The following NTN1 variants were observed in gnomAD, a reference collection of about 807,000 sequenced individuals.
NTN1 encodes netrin 1.
NTN1 carries 11 observed loss-of-function variants against 54.2 expected under a neutral mutation model. That is an observed-to-expected ratio of 0.20 (90% CI 0.13 to 0.34). The LOEUF (loss-of-function observed/expected upper bound fraction) is 0.34, where lower values mean the gene tolerates loss of function less well. Among genes scored for constraint, NTN1 ranks in the 10% least tolerant of loss-of-function variants. The pLI, the probability that NTN1 is intolerant of heterozygous loss-of-function variation, is 1.00. For missense variants in NTN1, 740 were observed against 893.1 expected, an observed-to-expected ratio of 0.83 and a Z score of 2.18; for synonymous variants, 371 against 382.0, an observed-to-expected ratio of 0.97 and a Z score of 0.33.
At chr17:9,077,224 G>C (rs1026506319) in intron 2 of NTN1, among the ~76,000 whole-genome samples, 3 of 152,102 alleles carry the variant, frequency 2.0e-5, no homozygotes, top group African/African-American at 7.2e-5. Context: ...GAAAAAAAAA[G>C]GAAGAAAGGA....
intron 2 of NTN1, among the ~76,000 whole-genome samples, chr17:9,152,959 G>A (rs2092331766): frequency 6.6e-6 from 1 of 152,058 alleles, no homozygotes; most frequent in Non-Finnish European, 1.5e-5. Context: ...GTTTGATCTT[G>A]GTTAGTAATA....
At chr17:9,072,495 C>T (rs945698650) in intron 2 of NTN1, among the ~76,000 whole-genome samples, 3 of 152,000 alleles carry the variant, frequency 2.0e-5, no homozygotes, top group South Asian at 2.1e-4. Context: ...GAGAGGTGGG[C>T]GGGGATGTGG....
At chr17:9,214,242 G>A (rs991401922) in intron 5 of NTN1, among the ~76,000 whole-genome samples, 5 of 152,034 alleles carry the variant, frequency 3.3e-5, no homozygotes, top group Non-Finnish European at 2.9e-5. Context: ...CAGGAAATGT[G>A]GCTTGTATAG....
the NTN1 span, among the ~76,000 whole-genome samples, chr17:9,010,085 A>G: frequency 4.6e-5 from 7 of 152,216 alleles, no homozygotes; most frequent in Admixed American, 6.5e-5. Flanking sequence ...TGGCTGGGAT[A>G]GGATTCTACT....
intron 5 of NTN1, among the ~76,000 whole-genome samples, chr17:9,204,626 T>C (rs2142340738): frequency 1.3e-5 from 2 of 152,262 alleles, no homozygotes; most frequent in South Asian, 4.2e-4. Flanking sequence ...GTGGCCTGCG[T>C]CCAGTCTATC....
chr17:9,204,492 G>A (rs576390540), intron 5 of NTN1, among the ~76,000 whole-genome samples: 4 of 152,132 alleles, frequency 2.6e-5, no homozygotes, highest in Non-Finnish European at 4.4e-5. Flanking sequence ...ACAGGGTTTC[G>A]CCACACTGGC....
intron 2 of NTN1, among the ~76,000 whole-genome samples, chr17:9,129,605 A>G (rs2092257893): frequency 1.3e-5 from 2 of 152,190 alleles, no homozygotes; most frequent in Non-Finnish European, 2.9e-5. Context: ...CCCCAAAAGC[A>G]TGTCACCCTC....
At chr17:9,140,631 C>A (rs2092295094) in intron 2 of NTN1, among the ~76,000 whole-genome samples, 1 of 152,156 alleles carries the variant, frequency 6.6e-6, no homozygotes, top group Non-Finnish European at 1.5e-5. Flanking sequence ...AAAAGTCCAA[C>A]AGGAGTTGGC....
At chr17:9,066,465 A>G (rs1158863404) in intron 2 of NTN1, among the ~76,000 whole-genome samples, 1 of 151,650 alleles carries the variant, frequency 6.6e-6, no homozygotes, top group African/African-American at 2.4e-5. Context: ...TGTCTCTACT[A>G]AAAATACAAA....
intron 2 of NTN1, among the ~76,000 whole-genome samples, chr17:9,097,878 A>G (rs1448516906): frequency 6.6e-6 from 1 of 152,138 alleles, no homozygotes; most frequent in African/African-American, 2.4e-5. Context: ...CAGATGTTCC[A>G]GCTGCAGTGA....
At chr17:9,187,153 T>C (rs926541994) in intron 5 of NTN1, among the ~76,000 whole-genome samples, 7 of 151,972 alleles carry the variant, frequency 4.6e-5, no homozygotes, top group African/African-American at 1.7e-4. Flanking sequence ...ACAAATGCCA[T>C]GGTATAATGA....
At chr17:9,220,009 C>G (rs1302666686) in intron 5 of NTN1, among the ~76,000 whole-genome samples, 1 of 152,266 alleles carries the variant, frequency 6.6e-6, no homozygotes, top group East Asian at 1.9e-4. Flanking sequence ...GCTGGCCAGC[C>G]TGGCTGGTCT....
chr17:9,182,006 C>G (rs913391097), intron 4 of NTN1, among the ~76,000 whole-genome samples: 1 of 152,238 alleles, frequency 6.6e-6, no homozygotes, highest in Non-Finnish European at 1.5e-5. Flanking sequence ...GAGACAGGAT[C>G]TTGCTCTGTT....
chr17:9,216,626 C>G (rs1371962323), intron 5 of NTN1, among the ~76,000 whole-genome samples: 1 of 152,272 alleles, frequency 6.6e-6, no homozygotes, highest in Non-Finnish European at 1.5e-5. Flanking sequence ...AGGCGCACAG[C>G]TCTGTCTTCA....
chr17:9,215,013 A>C (rs1905185002), intron 5 of NTN1, among the ~76,000 whole-genome samples: 1 of 152,010 alleles, frequency 6.6e-6, no homozygotes, highest in African/African-American at 2.4e-5. Context: ...TTGGCATATT[A>C]CCTATAATTT....
At chr17:9,052,171 A>T (rs998100783) in intron 2 of NTN1, among the ~76,000 whole-genome samples, 1 of 151,936 alleles carries the variant, frequency 6.6e-6, no homozygotes. Context: ...GGGGTTCTCC[A>T]TGTTGGTCAG....
At chr17:9,169,419 G>A (rs997919871) in intron 3 of NTN1, among the ~76,000 whole-genome samples, 1 of 152,202 alleles carries the variant, frequency 6.6e-6, no homozygotes, top group African/African-American at 2.4e-5. Context: ...CTTGTGACTC[G>A]ACCCATGTGG....
chr17:9,204,185 TTCCTTCCC>T (rs1254741486), intron 5 of NTN1, among the ~76,000 whole-genome samples: 5 of 144,952 alleles, frequency 3.4e-5, no homozygotes, highest in East Asian at 3.9e-4. Context: ...CGTTCCTTCC[TTCCTTCCC>T]TCCTTCCTTC....
At chr17:9,117,990 G>A (rs1184839064) in intron 2 of NTN1, among the ~76,000 whole-genome samples, 2 of 152,130 alleles carry the variant, frequency 1.3e-5, no homozygotes, top group Admixed American at 6.5e-5. Context: ...TTCTAGAAAC[G>A]CTCAAGAGCG....
Sources: allele counts gnomAD v4.1 joint callset (sites outside exome capture counted in the v4.1 genomes callset), GRCh38; gene constraint gnomAD v4.1.1; transcripts MANE v1.5; gene names NCBI Gene and HGNC (gene_info 2026-07-23, HGNC 2026-07-21).